The following DDAH1 variants were observed in gnomAD, a reference collection of about 807,000 sequenced individuals.
DDAH1 encodes dimethylarginine dimethylaminohydrolase 1.
DDAH1 carries 19 observed loss-of-function variants against 28.8 expected under a neutral mutation model. The ratio of observed to expected loss-of-function variants is 0.66; its 90% CI spans 0.46 to 0.97. DDAH1 has a LOEUF of 0.97. Among genes scored for constraint, DDAH1 ranks in the 50% least tolerant of loss-of-function variants. DDAH1 has a pLI of 0.00. For synonymous variants in DDAH1, 153 were observed against 154.4 expected (o/e 0.99, Z 0.07); for missense variants, 326 against 375.9 (o/e 0.87, Z 1.10).
chr1:85,483,748 A>G (rs1379167568), intron 2 of DDAH1, among the ~76,000 whole-genome samples: 1 of 152,170 alleles, frequency 6.6e-6, no homozygotes, highest in African/African-American at 2.4e-5. Context: ...CGGATCGCGG[A>G]CCTGTATGAG....
At chr1:85,508,885 G>A (rs911321017) in intron 1 of DDAH1, among the ~76,000 whole-genome samples, 3 of 152,206 alleles carry the variant, frequency 2.0e-5, no homozygotes, top group East Asian at 3.9e-4. Context: ...CACCTCTGCC[G>A]GCACGGCATA....
chr1:85,446,402 C>G, intron 1 of DDAH1, among the ~76,000 whole-genome samples: 1 of 152,164 alleles, frequency 6.6e-6, no homozygotes, highest in East Asian at 1.9e-4. Context: ...GATTCAATTA[C>G]CTCTACCTGG....
intron 1 of DDAH1, among the ~76,000 whole-genome samples, chr1:85,520,680 T>C (rs1657652871): frequency 6.6e-6 from 1 of 152,184 alleles, no homozygotes; most frequent in African/African-American, 2.4e-5. Context: ...ACAATTCAGA[T>C]AGGAAAATGG....
chr1:85,414,509 C>G (rs1215247411), intron 1 of DDAH1, among the ~76,000 whole-genome samples: 3 of 152,194 alleles, frequency 2.0e-5, no homozygotes, highest in Admixed American at 6.5e-5. Flanking sequence ...TGGAGACAAT[C>G]TTTGCAACAC....
intron 1 of DDAH1, among the ~76,000 whole-genome samples, chr1:85,375,278 T>A (rs951958414): frequency 1.3e-5 from 2 of 151,968 alleles, no homozygotes; most frequent in African/African-American, 4.8e-5. Context: ...CAGAGAGAGG[T>A]CCCTCTGTTC....
chr1:85,360,366 T>C (rs1557520634), intron 1 of DDAH1, among the ~76,000 whole-genome samples: 1 of 152,224 alleles, frequency 6.6e-6, no homozygotes, highest in Non-Finnish European at 1.5e-5. Context: ...GTGACCTCTT[T>C]TAACAGCAGA....
intron 1 of DDAH1, among the ~76,000 whole-genome samples, chr1:85,383,315 G>A (rs11588128): frequency 0.11 from 17,456 of 152,188 alleles, 1,083 homozygotes; most frequent in East Asian, 0.24. Flanking sequence ...AGTAACTGCA[G>A]ATGTGGTAGA....
At chr1:85,466,832 C>CTTTTTTTCTTTT (rs1655400144), upstream of DDAH1, among the ~76,000 whole-genome samples, 1 of 70,738 alleles carries the variant, frequency 1.4e-5, no homozygotes, top group African/African-American at 5.8e-5. Flanking sequence ...ATTATTTATT[C>CTTTTTTTCTTTT]TTTTTTTTTT....
chr1:85,520,045 G>T (rs1393647049), intron 1 of DDAH1, among the ~76,000 whole-genome samples: 4 of 149,234 alleles, frequency 2.7e-5, no homozygotes, highest in Non-Finnish European at 5.9e-5. Flanking sequence ...GGAAGTTTTG[G>T]TGCACCCATC....
At chr1:85,417,367 G>A (rs1197851484) in intron 1 of DDAH1, among the ~76,000 whole-genome samples, 1 of 152,140 alleles carries the variant, frequency 6.6e-6, no homozygotes, top group Non-Finnish European at 1.5e-5. Context: ...TCACAGAGAG[G>A]CAAGTGGGTT....
At chr1:85,369,046 C>T (rs1650228888) in intron 1 of DDAH1, among the ~76,000 whole-genome samples, 1 of 148,494 alleles carries the variant, frequency 6.7e-6, no homozygotes, top group Non-Finnish European at 1.5e-5. Context: ...CCATGGCTCC[C>T]AGGGGATTCT....
At chr1:85,573,646 T>C (rs949527421) in intron 1 of DDAH1, among the ~76,000 whole-genome samples, 2 of 152,224 alleles carry the variant, frequency 1.3e-5, no homozygotes, top group Admixed American at 1.3e-4. Flanking sequence ...AAGTGTTTCC[T>C]ATCATATTGC....
intron 1 of DDAH1, among the ~76,000 whole-genome samples, chr1:85,425,500 T>C (rs1653355149): frequency 6.6e-6 from 1 of 152,120 alleles, no homozygotes. Flanking sequence ...TCAAACACAC[T>C]TAGAGAATGC....
chr1:85,485,952 G>A (rs1280046100), intron 2 of DDAH1, among the ~76,000 whole-genome samples: 1 of 152,080 alleles, frequency 6.6e-6, no homozygotes, highest in African/African-American at 2.4e-5. Flanking sequence ...CTTTAGCTTG[G>A]GAAGTGAACT....
intron 1 of DDAH1, among the ~76,000 whole-genome samples, chr1:85,391,368 G>A (rs994979863): frequency 6.6e-6 from 1 of 152,220 alleles, no homozygotes; most frequent in Non-Finnish European, 1.5e-5. Flanking sequence ...TTGGGAGGCT[G>A]AGGTGGGAGG....
rs1289034234 is a variant in DDAH1 at position 85,488,123 on chromosome 1, G to T, written c.-7+8043C>A. On this transcript the variant is annotated intron_variant, in intron 2 of 6. Transcript: ENST00000426972. ...TCACTTGAACCCAGAGGCAGAGGTT[G>T]CAGTGAGCTGAGATCGCACCACTGG... Among the ~76,000 whole-genome samples the T allele has an allele frequency of 2.0e-5, 3 of 152,164 alleles. No individual in the cohort carries two copies. The East Asian group carries it at 5.8e-4, about 29-fold the overall frequency.
chr1:85,531,495 A>G (rs565987653), intron 1 of DDAH1, among the ~76,000 whole-genome samples: 5 of 152,322 alleles, frequency 3.3e-5, no homozygotes, highest in Admixed American at 2.6e-4. Context: ...GAATAACAAG[A>G]CCTACCATTT....
chr1:85,504,349 A>C (rs564718729), intron 1 of DDAH1, among the ~76,000 whole-genome samples: 11 of 152,284 alleles, frequency 7.2e-5, no homozygotes, highest in South Asian at 2.1e-4. Context: ...AAGAGAACAA[A>C]GGGTGATAAC....
Position 85,568,572 on chromosome 1 carries a change from C to T in DDAH1, c.-123+9412G>A, listed in dbSNP as rs376971676. ...CTATCATTAGAACACCAGAAACACACGTTTACCCAAAAGGCTATGCACATT... is the reference window on the plus strand; with the variant it reads ...CTATCATTAGAACACCAGAAACACATGTTTACCCAAAAGGCTATGCACATT... On this transcript the variant is annotated intron_variant, in intron 1 of 6. Coordinates refer to the DDAH1 transcript ENST00000426972. Among the ~76,000 whole-genome samples the T allele has an allele frequency of 7.9e-5, 12 of 152,236 alleles. No homozygotes were observed. In the East Asian group the frequency reaches 9.6e-4, roughly 12 times the overall value.
Sources: gnomAD v4.1 joint callset for allele counts (sites outside exome capture counted in the v4.1 genomes callset) on GRCh38, gnomAD v4.1.1 for gene constraint, MANE v1.5 for transcripts, NCBI Gene and HGNC (gene_info 2026-07-23, HGNC 2026-07-21) for gene names.